The following LRBA variants were observed in gnomAD, a reference collection of about 807,000 sequenced individuals.
LRBA encodes the protein LPS responsive beige-like anchor protein, also known as lipopolysaccharide-responsive and beige-like anchor protein.
Under a neutral mutation model 330.0 loss-of-function variants are expected in LRBA, and 176 were observed. The ratio of observed to expected loss-of-function variants is 0.53; its 90% CI spans 0.47 to 0.60. The LOEUF is 0.60. LRBA is among the 20% of genes least tolerant of loss of function. The pLI is 0.00. For missense variants in LRBA, 3,259 were observed against 3,444.8 expected, an observed-to-expected ratio of 0.95 and a Z score of 1.35; for synonymous variants, 1,230 against 1,193.0, an observed-to-expected ratio of 1.03 and a Z score of -0.64.
chr4:150,455,206 T>C (rs1407044125), intron 44 of LRBA, among the ~76,000 whole-genome samples: 1 of 147,320 alleles, frequency 6.8e-6, no homozygotes, highest in Non-Finnish European at 1.5e-5. Context: ...TTCCCACCTA[T>C]GAGTGAGAAT....
At chr4:150,946,822 G>T (rs77900092) in intron 2 of LRBA, among the ~76,000 whole-genome samples, 1 of 150,958 alleles carries the variant, frequency 6.6e-6, no homozygotes, top group Non-Finnish European at 1.5e-5. Context: ...CAATAAAATT[G>T]ACAAACCTTG....
At chr4:150,661,205 T>TC (rs1030647033) in intron 37 of LRBA, among the ~76,000 whole-genome samples, 1 of 151,220 alleles carries the variant, frequency 6.6e-6, no homozygotes, top group Non-Finnish European at 1.5e-5. Context: ...GCATGGTGGC[T>TC]CACACCTGTA....
chr4:150,745,835 T>C (rs914192263), intron 35 of LRBA, among the ~76,000 whole-genome samples: 1 of 152,232 alleles, frequency 6.6e-6, no homozygotes, highest in Non-Finnish European at 1.5e-5. Flanking sequence ...TTGTGTGTTC[T>C]ATTTTCAAGA....
At position 150,285,968 on chromosome 4, in the gene LRBA, C is replaced by T; in HGVS notation, c.8084G>A (p.Cys2695Tyr). Reference protein sequence around the residue: ...HDYEVTCAAVCAELGLVLSGS... With the variant: ...HDYEVTCAAVYAELGLVLSGS... ...ACTCAACACCAGGCCTAGCTCCGCA[C>T]ACACCGCAGCACATGTGACCTCATA... Residue 2695 changes from cysteine (C) to tyrosine (Y), a missense_variant, in exon 54 of 57, where the codon TGT becomes TAT. Coordinates refer to ENST00000651943, the MANE Select transcript of LRBA (RefSeq NM_001364905.1). The T allele has an allele frequency of 6.3e-7, 1 of 1,597,652 alleles. No individual in the cohort carries two copies. The highest frequency in any genetic ancestry group is 2.3e-5 in the East Asian group (1 of 43,992).
chr4:150,624,722 CA>C (rs1776679871), intron 37 of LRBA, among the ~76,000 whole-genome samples: 1 of 151,890 alleles, frequency 6.6e-6, no homozygotes, highest in Non-Finnish European at 1.5e-5. Context: ...GTCAGATCCA[CA>C]AAAAAAGCAT....
At chr4:150,652,851 G>A (rs1397161075) in intron 37 of LRBA, among the ~76,000 whole-genome samples, 1 of 152,138 alleles carries the variant, frequency 6.6e-6, no homozygotes, top group African/African-American at 2.4e-5. Context: ...CCTAACGCCT[G>A]CTTGTTTCCT....
At chr4:150,827,617 T>A (rs1353582128) in intron 30 of LRBA, among the ~76,000 whole-genome samples, 1 of 151,422 alleles carries the variant, frequency 6.6e-6, no homozygotes, top group Non-Finnish European at 1.5e-5. Context: ...TTTTTTTTTT[T>A]AGACAGAGTT....
rs192300482 is a variant in LRBA at position 150,469,016 on chromosome 4, C to A, written c.6668-1231G>T. On this transcript the variant is annotated intron_variant, in intron 43 of 56. Coordinates refer to ENST00000651943, the MANE Select transcript of LRBA (RefSeq NM_001364905.1). ...AATTTTAATTTCTCCATTAAAAAAACCAAACATAGCAGCAGAAAAAAAAAT... is the reference window on the plus strand; with the variant it reads ...AATTTTAATTTCTCCATTAAAAAAAACAAACATAGCAGCAGAAAAAAAAAT... Among the ~76,000 whole-genome samples the A allele has an allele frequency of 8.9e-3, 1,351 of 151,822 alleles. 16 individuals are homozygous for A. Among genetic ancestry groups the A allele is most frequent in the African/African-American group, 0.029 (1,219 of 41,410 alleles).
chr4:150,302,719 C>A lies in LRBA; in HGVS notation c.7923G>T (p.Gly2641=), dbSNP rs753884327. The A allele has an allele frequency of 6.2e-7, 1 of 1,612,766 alleles. No homozygotes were observed. The highest frequency in any genetic ancestry group is 1.1e-5 in the South Asian group (1 of 90,890). The change falls in exon 53 of 57, where the codon GGG becomes GGT. Residue 2641 remains glycine (G), a synonymous_variant. Coordinates refer to ENST00000651943, the MANE Select transcript of LRBA (RefSeq NM_001364905.1). ...TCLARSESYI[G]GNCYILSGSR... ...ACCCTGAGAGAATGTAGCAATTTCC[C>A]CCAATATATGACTCAGAACGAGCAA... is the stretch of plus-strand genomic sequence containing the variant.
At chr4:150,445,206 A>C (rs967804335) in intron 44 of LRBA, among the ~76,000 whole-genome samples, 2 of 151,974 alleles carry the variant, frequency 1.3e-5, no homozygotes, top group Non-Finnish European at 2.9e-5. Context: ...CATACATGTC[A>C]ACATTCTGCT....
intron 36 of LRBA, among the ~76,000 whole-genome samples, chr4:150,696,249 A>T (rs1784610907): frequency 6.6e-6 from 1 of 152,132 alleles, no homozygotes; most frequent in Admixed American, 6.6e-5. Flanking sequence ...ATAAATTTCA[A>T]ATAAAAGCAG....
At chr4:150,902,084 G>GA in intron 13 of LRBA, among the ~76,000 whole-genome samples, 1 of 151,980 alleles carries the variant, frequency 6.6e-6, no homozygotes, top group Admixed American at 6.6e-5. Flanking sequence ...ACCAAAACAT[G>GA]AAAAAAGTCA....
chr4:150,905,016 A>G (rs1317750839), intron 13 of LRBA, among the ~76,000 whole-genome samples: 1 of 152,180 alleles, frequency 6.6e-6, no homozygotes, highest in East Asian at 1.9e-4. Context: ...TGTAGATAAG[A>G]CGGATACAAT....
chr4:150,496,196 A>G (rs1759572758), intron 40 of LRBA, among the ~76,000 whole-genome samples: 1 of 152,164 alleles, frequency 6.6e-6, no homozygotes, highest in Non-Finnish European at 1.5e-5. Flanking sequence ...CTTCTGTCCT[A>G]CAAATAGTAT....
At chr4:150,679,750 A>G (rs1321716397) in intron 37 of LRBA, 1 of 152,224 alleles carries the variant, frequency 6.6e-6, no homozygotes, top group Non-Finnish European at 1.5e-5. Flanking sequence ...AAAGCATTCA[A>G]GAATTTTGAT....
intron 34 of LRBA, among the ~76,000 whole-genome samples, chr4:150,766,996 C>T (rs1184283209): frequency 6.6e-6 from 1 of 151,990 alleles, no homozygotes; most frequent in Non-Finnish European, 1.5e-5. Context: ...TTAAGTCACA[C>T]AACAAAAACA....
chr4:150,479,510 C>A (rs190047391), intron 42 of LRBA, among the ~76,000 whole-genome samples: 1 of 152,078 alleles, frequency 6.6e-6, no homozygotes, highest in South Asian at 2.1e-4. Flanking sequence ...AAAGCATTAC[C>A]GGTATTGTAA....
At chr4:150,603,751 G>A (rs1774352024) in intron 37 of LRBA, among the ~76,000 whole-genome samples, 1 of 152,042 alleles carries the variant, frequency 6.6e-6, no homozygotes, top group Non-Finnish European at 1.5e-5. Context: ...CCTCCTCCTT[G>A]AGCCTCCTGA....
chr4:150,374,172 T>C (rs1740880789), intron 47 of LRBA, among the ~76,000 whole-genome samples: 1 of 152,192 alleles, frequency 6.6e-6, no homozygotes, highest in South Asian at 2.1e-4. Flanking sequence ...ATGAAACGTT[T>C]CTCCCTCTAT....
Sources: gnomAD v4.1 joint callset for allele counts (sites outside exome capture counted in the v4.1 genomes callset) on GRCh38, gnomAD v4.1.1 for gene constraint, MANE v1.5 for transcripts, NCBI Gene and HGNC (gene_info 2026-07-23, HGNC 2026-07-21) for gene names.